Variants in EXOC1 observed in about 807,000 individuals in gnomAD.
EXOC1 encodes the protein exocyst complex component 1.
A neutral mutation model predicts 107.7 loss-of-function variants in EXOC1; 67 were observed. The ratio of observed to expected loss-of-function variants is 0.62; its 90% CI spans 0.51 to 0.76. EXOC1 has a LOEUF of 0.76. Among genes scored for constraint, EXOC1 ranks in the 30% least tolerant of loss-of-function variants. The pLI, the probability that EXOC1 is intolerant of heterozygous loss-of-function variation, is 0.00. For missense variants in EXOC1, 833 were observed against 1,055.7 expected, an observed-to-expected ratio of 0.79 and a Z score of 2.92; for synonymous variants, 348 against 353.5, an observed-to-expected ratio of 0.98 and a Z score of 0.17.
intron 4 of EXOC1, among the ~76,000 whole-genome samples, chr4:55,866,346 A>C (rs932215175): frequency 9.9e-5 from 15 of 152,072 alleles, no homozygotes; most frequent in African/African-American, 3.4e-4. Flanking sequence ...TTTACTTGCA[A>C]CCAGCTTTTT....
chr4:55,900,977 T>G (rs1425034518), intron 17 of EXOC1, among the ~76,000 whole-genome samples: 2 of 152,208 alleles, frequency 1.3e-5, no homozygotes, highest in East Asian at 3.8e-4. Flanking sequence ...CTTATAAAAC[T>G]TAAGAACAGA....
At chr4:55,891,189 T>C in intron 12 of EXOC1, 126 bp from the exon 13 acceptor site, 1 of 633,970 alleles carries the variant, frequency 1.6e-6, no homozygotes, top group Non-Finnish European at 2.8e-6. Context: ...CCATTGAGAT[T>C]ATAAATTCAT....
chr4:55,875,760 G>T, intron 8 of EXOC1: 1 of 985,366 alleles, frequency 1.0e-6, no homozygotes, highest in Non-Finnish European at 1.2e-6. Flanking sequence ...TAATCAGCGT[G>T]ACCAATTAAG....
Position 55,883,940 on chromosome 4 carries a change from C to T in EXOC1, c.1330+12C>T. The T allele has an allele frequency of 6.5e-7, 1 of 1,548,264 alleles. No individual in the cohort carries two copies. Among genetic ancestry groups the T allele is most frequent in the Non-Finnish European group, 8.8e-7 (1 of 1,136,078 alleles). On this transcript the variant is annotated intron_variant, in intron 10 of 18. Coordinates refer to ENST00000381295, the MANE Select transcript of EXOC1 (RefSeq NM_001024924.2). ...AAGCAAGAAGTTTGGTAAGCTTAGG[C>T]ATGTCAGTTCATTATCTTCCTATTA...
chr4:55,891,465 A>G, intron 13 of EXOC1, 43 bp downstream of exon 13: 1 of 1,294,758 alleles, frequency 7.7e-7, no homozygotes, highest in Non-Finnish European at 1.1e-6. Context: ...ATGATCTGTA[A>G]TATAATTAGC....
In EXOC1 at chr4:55,893,798, A is replaced by G. The variant is rs780613631; in HGVS notation, c.1953+18A>G. On this transcript the variant is annotated intron_variant, in intron 15 of 18. Coordinates refer to ENST00000381295, the MANE Select transcript of EXOC1 (RefSeq NM_001024924.2). ...AATGCATTGTAAGTTTTCTTTTTTAAAAAAATACCTTAGCATCCTAGTCAT... is the reference window on the plus strand; with the variant it reads ...AATGCATTGTAAGTTTTCTTTTTTAGAAAAATACCTTAGCATCCTAGTCAT... 6.3e-7 allele frequency: 1 copy of G among 1,592,184 alleles called. No individual in the cohort carries two copies. Among genetic ancestry groups the G allele is most frequent in the Non-Finnish European group, 8.6e-7 (1 of 1,164,496 alleles).
At position 55,904,417 on chromosome 4, in the gene EXOC1, T is replaced by G; in HGVS notation, c.2607T>G (p.Tyr869Ter). Residue 869 changes from tyrosine to a stop codon, truncating the protein, a stop_gained, in exon 19 of 19, where the codon TAT becomes TAG. Transcript: ENST00000381295. LOFTEE classifies it high-confidence loss of function. Reference sequence around the variant, plus strand: ...TTGAAGGTTTGATAGCTCGCTGTTATCCTGGATCTGGTGTTACAATGGAAT... The same window carrying G: ...TTGAAGGTTTGATAGCTCGCTGTTAGCCTGGATCTGGTGTTACAATGGAAT... ...KHFEGLIARC[Y>*]PGSGVTMEFT... The G allele has an allele frequency of 6.2e-7, 1 of 1,613,218 alleles. No individual in the cohort carries two copies. The highest frequency in any genetic ancestry group is 1.7e-4 in the Middle Eastern group (1 of 6,060).
At chr4:55,864,160 A>G in intron 3 of EXOC1, 67 bp from the exon 4 acceptor site, 1 of 1,063,986 alleles carries the variant, frequency 9.4e-7, no homozygotes, top group Non-Finnish European at 1.3e-6. Context: ...ATGCCTATGC[A>G]GATTTTACAT....
chr4:55,903,756 A>G (rs1449778783), intron 18 of EXOC1, among the ~76,000 whole-genome samples: 3 of 152,156 alleles, frequency 2.0e-5, no homozygotes, highest in African/African-American at 7.2e-5. Flanking sequence ...TGTGTATCAC[A>G]TTGTGTCTTG....
At chr4:55,879,339 G>A (rs914626031) in intron 9 of EXOC1, among the ~76,000 whole-genome samples, 1 of 152,196 alleles carries the variant, frequency 6.6e-6, no homozygotes, top group African/African-American at 2.4e-5. Context: ...AGAAGGGCGT[G>A]GGATAAGGAT....
At chr4:55,887,523 A>G (rs1724038310) in intron 10 of EXOC1, among the ~76,000 whole-genome samples, 1 of 152,148 alleles carries the variant, frequency 6.6e-6, no homozygotes, top group South Asian at 2.1e-4. Context: ...GATAAGGGAT[A>G]TAGGCTGTTT....
intron 8 of EXOC1, chr4:55,875,955 C>A: frequency 1.1e-6 from 1 of 941,628 alleles, no homozygotes; most frequent in Non-Finnish European, 1.3e-6. Flanking sequence ...ATTTATAGAC[C>A]TAAAACTATA....
intron 8 of EXOC1, chr4:55,877,403 A>AC (rs1722999481): frequency 3.0e-6 from 3 of 985,406 alleles, no homozygotes; most frequent in East Asian, 2.3e-4. Flanking sequence ...CTGCTCCAAG[A>AC]CAGAAGTAAG....
At chr4:55,878,304 T>A (rs1235136592) in intron 9 of EXOC1, among the ~76,000 whole-genome samples, 7 of 152,292 alleles carry the variant, frequency 4.6e-5, no homozygotes, top group African/African-American at 1.7e-4. Context: ...AAGCATCAAT[T>A]TAGTTAAATG....
chr4:55,858,378 C>T lies in EXOC1; in HGVS notation c.55C>T (p.Arg19Cys). The T allele has an allele frequency of 5.6e-6, 9 of 1,610,276 alleles. No homozygotes were observed. The highest frequency in any genetic ancestry group is 2.2e-5 in the East Asian group (1 of 44,704). ...QRDIFTPNDE[R>C]LLSIVNVCKA... ...AGACATTTTTACACCAAATGATGAA[C>T]GCCTGCTGAGCATTGTGAATGTCTG... The change falls in exon 2 of 19, where the codon CGC becomes TGC. Residue 19 changes from arginine (R) to cysteine (C), a missense_variant. Around this residue, in one of 2 missense-constraint regions of EXOC1, gnomAD observed 617 missense variants for 701.3 expected, o/e 0.88. Transcript: ENST00000381295.
chr4:55,880,206 T>C (rs772588150), intron 9 of EXOC1, among the ~76,000 whole-genome samples: 5 of 152,024 alleles, frequency 3.3e-5, no homozygotes, highest in Non-Finnish European at 7.4e-5. Flanking sequence ...CCATTTAAAG[T>C]AAAATCTGGC....
At chr4:55,897,129 CTTT>C (rs755247967) in intron 16 of EXOC1, among the ~76,000 whole-genome samples, 3 of 135,876 alleles carry the variant, frequency 2.2e-5, no homozygotes, top group Admixed American at 7.4e-5. Flanking sequence ...AATTGAAAAT[CTTT>C]TTTTTTTTTT....
intron 8 of EXOC1, among the ~76,000 whole-genome samples, chr4:55,874,101 A>C (rs973550874): frequency 6.6e-6 from 1 of 152,108 alleles, no homozygotes; most frequent in East Asian, 1.9e-4. Context: ...GTTTATTGAG[A>C]ATTTAAGGAG....
chr4:55,890,099 G>T, intron 11 of EXOC1, 124 bp from the exon 12 acceptor site: 11 of 792,538 alleles, frequency 1.4e-5, no homozygotes, highest in Non-Finnish European at 9.9e-6. Context: ...TAGAAGATTT[G>T]TGCACTAACT....
Sources: gnomAD v4.1 joint callset for allele counts (sites outside exome capture counted in the v4.1 genomes callset) on GRCh38, gnomAD v4.1.1 for gene constraint, gnomAD v4.1.1 regional missense constraint, MANE v1.5 for transcripts, NCBI Gene and HGNC (gene_info 2026-07-23, HGNC 2026-07-21) for gene names.